Variants in GPAT2 observed in about 807,000 individuals in gnomAD.
GPAT2 encodes 1-acylglycerol-3-phosphate O-acyltransferase GPAT2.
A neutral mutation model predicts 71.0 loss-of-function variants in GPAT2; 51 were observed. That is an observed-to-expected ratio of 0.72 (90% CI 0.57 to 0.91). The LOEUF (loss-of-function observed/expected upper bound fraction) is 0.91. GPAT2 is among the 40% of genes least tolerant of loss of function. GPAT2 has a pLI of 0.00. For missense variants in GPAT2, 511 were observed against 666.0 expected (o/e 0.77, Z 2.56); for synonymous variants, 222 against 290.3 (o/e 0.76, Z 2.39).
rs781556884 is a variant in GPAT2 at position 96,024,670 on chromosome 2, G to T, written c.1444C>A (p.Gln482Lys). 2.3e-5 allele frequency: 37 copies of T among 1,613,766 alleles called. 2 individuals are homozygous for T. The South Asian group carries it at 3.6e-4, about 16-fold the overall frequency. ...FKHQKGVFLS[Q>K]LLGEFSWLTE... ...AGCCAGGAGAACTCCCCCAGGAGCT[G>T]CGACAGGAACACACCCTGGGTGGGC... The change falls in exon 15 of 22, where the codon CAG (glutamine) becomes AAG (lysine). Residue 482 changes from glutamine to lysine, a missense_variant. Transcript: ENST00000434632.
At position 96,024,592 on chromosome 2, in the gene GPAT2, G is replaced by A. The variant is rs183104887; in HGVS notation, c.1522C>T (p.Arg508Trp). 1.0e-4 allele frequency: 166 copies of A among 1,613,708 alleles called. 1 individual carries two copies. Among genetic ancestry groups the A allele is most frequent in the East Asian group, 5.8e-4 (26 of 44,872 alleles). ...GFDVGFSGQL[R>W]SLLQHSLSLL... The stretch of plus-strand genomic sequence containing the variant: ...CTCAGTGAGTGCTGCAGCAGGCTCC[G>A]CAGCTGCCCAGAGAAGCCTACATCA... The change falls in exon 15 of 22, where the codon CGG (arginine) becomes TGG (tryptophan). Residue 508 changes from arginine to tryptophan, a missense_variant. Transcript: ENST00000434632.
chr2:96,025,653 G>C (rs1680320955), intron 12 of GPAT2, 50 bp from the exon 13 acceptor site: 1 of 1,396,156 alleles, frequency 7.2e-7, no homozygotes, highest in Admixed American at 2.5e-5. Context: ...CACAAAAACA[G>C]CTGTGGGAAT....
Position 96,024,222 on chromosome 2 carries a change from C to T in GPAT2, c.1803G>A (p.Met601Ile), listed in dbSNP as rs746298110. Residue 601 changes from methionine (M) to isoleucine (I), a missense_variant, in exon 16 of 22, where the codon ATG (methionine) becomes ATA (isoleucine). Physicochemically the swap from Met to Ile is conservative, Grantham distance 10. Coordinates refer to ENST00000434632, the MANE Select transcript of GPAT2 (RefSeq NM_001321527.2). ...NELYRQILLLMHLLPQDLLLL... is the reference protein window; with the variant it reads ...NELYRQILLLIHLLPQDLLLL... ...GCAGCAGGTCTTGCGGCAGCAGGTG[C>T]ATCAGCAGCAGGATCTGGCGGTACA... is the stretch of plus-strand genomic sequence containing the variant. 18 of 1,540,814 alleles carry T rather than the reference C, an allele frequency of 1.2e-5. No homozygotes were observed. Among genetic ancestry groups the T allele is most frequent in the Non-Finnish European group, 1.4e-5 (16 of 1,138,784 alleles).
At chr2:96,025,336 G>A in intron 13 of GPAT2, 149 bp downstream of exon 13, 1 of 1,067,090 alleles carries the variant, frequency 9.4e-7, no homozygotes, top group Non-Finnish European at 1.3e-6. Flanking sequence ...TGTAGGAGAA[G>A]GGTTCCATTC....
Position 96,024,242 on chromosome 2 carries a change from G to T in GPAT2, c.1783C>A (p.Arg595Ser). Residue 595 changes from arginine to serine, a missense_variant, in exon 16 of 22, where the codon CGC (arginine) becomes AGC (serine). Transcript: ENST00000434632. Reference sequence around the variant, plus strand: ...AGGTGCATCAGCAGCAGGATCTGGCGGTACAGCTCATTCTGGCTCAGCAGC... The same window carrying T: ...AGGTGCATCAGCAGCAGGATCTGGCTGTACAGCTCATTCTGGCTCAGCAGC... ...ILLLSQNELY[R>S]QILLLMHLLP... 1.3e-6 allele frequency: 2 copies of T among 1,552,234 alleles called. No homozygotes were observed. The highest frequency in any genetic ancestry group is 1.7e-6 in the Non-Finnish European group (2 of 1,145,370).
At chr2:96,025,198 G>C (rs1680264748) in intron 13 of GPAT2, 1 of 561,068 alleles carries the variant, frequency 1.8e-6, no homozygotes, top group African/African-American at 1.9e-5. Context: ...AAGCTAAGGA[G>C]ACTCCGCTCA....
intron 17 of GPAT2, 73 bp downstream of exon 17, chr2:96,023,850 C>T (rs1680024042): frequency 3.3e-6 from 5 of 1,537,364 alleles, no homozygotes; most frequent in Non-Finnish European, 4.4e-6. Context: ...CCTGGGGCAG[C>T]TGGCACTCAG....
Position 96,024,708 on chromosome 2 carries a change from G to GGCAGCA in GPAT2, c.1429-29_1429-24dup, listed in dbSNP as rs779741320. On this transcript the variant is annotated intron_variant, in intron 14 of 21. Transcript: ENST00000434632. Reference sequence around the variant, plus strand: ...ACCCTGGGTGGGCAGAGCAGGGCTAGGCAGCAGGGCCACACATCGCCACCC... The same window carrying GGCAGCA: ...ACCCTGGGTGGGCAGAGCAGGGCTAGGCAGCAGCAGCAGGGCCACACATCGCCACCC... 4.4e-4 allele frequency: 705 copies of GGCAGCA among 1,613,660 alleles called. 7 individuals carry two copies. Among genetic ancestry groups the GGCAGCA allele is most frequent in the Admixed American group, 3.0e-4 (18 of 59,996 alleles).
In GPAT2 at chr2:96,022,229, G is replaced by C. The variant is rs777090762; in HGVS notation, c.2336C>G (p.Ser779Cys). 147 of 1,609,624 alleles carry C rather than the reference G, an allele frequency of 9.1e-5. No individual in the cohort carries two copies. The highest frequency in any genetic ancestry group is 1.2e-4 in the Non-Finnish European group (143 of 1,178,436). Residue 779 changes from serine (S) to cysteine (C), a missense_variant, in exon 22 of 22, where the codon TCC becomes TGC. Physicochemically the swap from Ser to Cys is moderately radical, Grantham distance 112. Around this residue, in one of 7 missense-constraint regions of GPAT2, gnomAD observed 108 missense variants for 117.6 expected, o/e 0.92. Coordinates refer to ENST00000434632, the MANE Select transcript of GPAT2 (RefSeq NM_001321527.2). ...PSPAGPRLHL[S>C]PTFASLDNQE... is the part of the protein sequence containing the mutation. ...ATTGTCCAGGCTGGCAAAAGTAGGGGACAGGTGGAGCCTGGGGCCTGCAGG... is the reference window on the plus strand; with the variant it reads ...ATTGTCCAGGCTGGCAAAAGTAGGGCACAGGTGGAGCCTGGGGCCTGCAGG...
At position 96,024,765 on chromosome 2, in the gene GPAT2, C is replaced by A. The variant is rs1429506153; in HGVS notation, c.1428+8G>T. The A allele has an allele frequency of 6.2e-7, 1 of 1,613,986 alleles. No individual in the cohort carries two copies. Among genetic ancestry groups the A allele is most frequent in the Non-Finnish European group, 8.5e-7 (1 of 1,179,964 alleles). On this transcript the variant is annotated splice_region_variant and intron_variant, in intron 14 of 21. Transcript: ENST00000434632. ...CCGCCCAGGTCCCCACCACATTGCA[C>A]CCCCTACCTTCTGATGCTTGAAGAG...
chr2:96,021,961 G>T lies in GPAT2; in HGVS notation c.*198C>A, dbSNP rs1679721533. ...ACCAAAAAGATGCTGCTGGGCTGGG[G>T]AAAAGACAACTCGTCTCGTCCCCTT... On this transcript the variant is annotated 3_prime_UTR_variant, in exon 22 of 22. Coordinates refer to ENST00000434632, the MANE Select transcript of GPAT2 (RefSeq NM_001321527.2). 7.4e-7 allele frequency: 1 copy of T among 1,352,442 alleles called. No homozygotes were observed. 83.8% of individuals were successfully genotyped at this position (1,352,442 alleles called of 1,614,324 possible).
Position 96,025,135 on chromosome 2 carries a change from G to A in GPAT2, c.1358-292C>T, listed in dbSNP as rs561181886. 235 of 584,292 alleles carry A rather than the reference G, an allele frequency of 4.0e-4. 4 individuals are homozygous for A. Among genetic ancestry groups the A allele is most frequent in the South Asian group, 3.9e-3 (192 of 49,454 alleles). The allele number at this position is 584,292 out of a possible 1,614,324, so 36.2% of individuals were successfully genotyped here. A position where few individuals can be genotyped will look rare whatever the true frequency, so the allele number is the denominator to read the frequency against. ...TATAAGGGCCCTCTGTGGAGGCGCT[G>A]TGCTAAGCCCCTTACACGTATCATT... On this transcript the variant is annotated intron_variant, in intron 13 of 21. Coordinates refer to ENST00000434632, the MANE Select transcript of GPAT2 (RefSeq NM_001321527.2).
Position 96,023,039 on chromosome 2 carries a change from G to T in GPAT2, c.2168-16C>A, listed in dbSNP as rs1349035160. 1 of 1,614,004 alleles carries T rather than the reference G, an allele frequency of 6.2e-7. No homozygotes were observed. ...TAGCCCAACTCTGCAGAAGAGAGAA[G>T]ACCTAGACCTGGCACCCAGCACAGA... is the stretch of plus-strand genomic sequence containing the variant. On this transcript the variant is annotated splice_polypyrimidine_tract_variant and intron_variant, in intron 19 of 21. Transcript: ENST00000434632.
intron 12 of GPAT2, 103 bp from the exon 13 acceptor site, chr2:96,025,706 C>G (rs1393387894): frequency 7.0e-7 from 1 of 1,421,416 alleles, no homozygotes; most frequent in African/African-American, 1.4e-5. Context: ...CCCCTCCCAG[C>G]CCCAGGACAG....
In GPAT2 at chr2:96,024,422, C is replaced by T; in HGVS notation, c.1687+5G>A. Reference sequence around the variant, plus strand: ...CCCACCTACCCCGTGCACCTCAAGACTCACCGCCCACAGCCTCGCTCAGGA... The same window carrying T: ...CCCACCTACCCCGTGCACCTCAAGATTCACCGCCCACAGCCTCGCTCAGGA... On this transcript the variant is annotated splice_donor_5th_base_variant and intron_variant, in intron 15 of 21. Coordinates refer to ENST00000434632, the MANE Select transcript of GPAT2 (RefSeq NM_001321527.2). The T allele has an allele frequency of 6.2e-7, 1 of 1,613,396 alleles. No individual in the cohort carries two copies.
intron 13 of GPAT2, chr2:96,025,125 T>C (rs2438972): frequency 0.39 from 226,793 of 586,474 alleles, 46,766 homozygotes; most frequent in East Asian, 0.63. Context: ...GGGCCCTCTG[T>C]GGAGGCGCTG....
At chr2:96,024,367 G>A in intron 15 of GPAT2, 30 bp from the exon 16 acceptor site, 1 of 1,603,894 alleles carries the variant, frequency 6.2e-7, no homozygotes. Flanking sequence ...TATGAAGAAG[G>A]AGCCGTTCCC....
chr2:96,023,417 A>T lies in GPAT2; in HGVS notation c.1938T>A (p.Cys646Ter). 3 of 1,614,036 alleles carry T rather than the reference A, an allele frequency of 1.9e-6. No homozygotes were observed. Among genetic ancestry groups the T allele is most frequent in the Non-Finnish European group, 2.5e-6 (3 of 1,180,014 alleles). Reference sequence around the variant, plus strand: ...TGCTCAATCGCTGTCGCCCTGTGTCACAGGCTGGCCGGGAGCCTGGGGTCT... The same window carrying T: ...TGCTCAATCGCTGTCGCCCTGTGTCTCAGGCTGGCCGGGAGCCTGGGGTCT... ...AEETPGSRPA[C>*]DTGRQRLSRK... The change falls in exon 18 of 22, where the codon TGT becomes TGA. Residue 646 changes from cysteine to a stop codon, truncating the protein, a stop_gained. Transcript: ENST00000434632. LOFTEE classifies it high-confidence loss of function.
chr2:96,022,879 G>T, intron 20 of GPAT2, 79 bp downstream of exon 20: 1 of 1,612,422 alleles, frequency 6.2e-7, no homozygotes, highest in South Asian at 1.1e-5. Flanking sequence ...GAGTTGGGTT[G>T]TCACTGTCCT....
Sources: allele counts gnomAD v4.1 joint callset, GRCh38; gene constraint gnomAD v4.1.1; regional missense constraint gnomAD v4.1.1; transcripts MANE v1.5; gene names NCBI Gene and HGNC (gene_info 2026-07-23, HGNC 2026-07-21).